WWC2: variants seen among roughly 807,000 people sequenced by gnomAD.
WWC2 encodes the protein WW and C2 domain containing 2.
WWC2 carries 101 observed loss-of-function variants against 138.5 expected under a neutral mutation model. The observed-to-expected ratio is 0.73, with a 90% CI of 0.62 to 0.86. The LOEUF (loss-of-function observed/expected upper bound fraction) is 0.86, where lower values mean the gene tolerates loss of function less well. Among genes scored for constraint, WWC2 ranks in the 40% least tolerant of loss-of-function variants. The probability of loss-of-function intolerance (pLI) is 0.00; values close to 1 mark genes in which losing one functional copy is unlikely to be tolerated. For synonymous variants in WWC2, 558 were observed against 538.4 expected, an observed-to-expected ratio of 1.04 and a Z score of -0.50; for missense variants, 1,420 against 1,419.4, an observed-to-expected ratio of 1.00 and a Z score of -0.01.
intron 9 of WWC2, among the ~76,000 whole-genome samples, chr4:183,256,534 G>A (rs541074056): frequency 6.6e-6 from 1 of 152,146 alleles, no homozygotes; most frequent in South Asian, 2.1e-4. Context: ...TTGCACTGAC[G>A]CCGGGAGTTT....
chr4:183,112,816 T>C (rs935954000), intron 1 of WWC2, among the ~76,000 whole-genome samples: 2 of 152,100 alleles, frequency 1.3e-5, no homozygotes, highest in Non-Finnish European at 2.9e-5. Flanking sequence ...GGCATTTAGC[T>C]GAGCTATGAG....
intron 1 of WWC2, among the ~76,000 whole-genome samples, chr4:183,179,585 G>T (rs554779267): frequency 2.8e-4 from 42 of 152,124 alleles, no homozygotes; most frequent in Admixed American, 5.2e-4. Context: ...GGGCCATCAA[G>T]GATGACCGCC....
chr4:183,170,056 A>G (rs1344113211), intron 1 of WWC2, among the ~76,000 whole-genome samples: 1 of 152,192 alleles, frequency 6.6e-6, no homozygotes, highest in African/African-American at 2.4e-5. Flanking sequence ...TACTTGAAGG[A>G]TAGTTGGTTT....
intron 4 of WWC2, among the ~76,000 whole-genome samples, chr4:183,224,975 A>G (rs1736031874): frequency 6.6e-6 from 1 of 152,192 alleles, no homozygotes; most frequent in African/African-American, 2.4e-5. Flanking sequence ...CTATCTTGTG[A>G]TAATGGAACC....
intron 1 of WWC2, among the ~76,000 whole-genome samples, chr4:183,173,162 A>C (rs1336847125): frequency 1.3e-5 from 2 of 151,854 alleles, no homozygotes; most frequent in African/African-American, 4.8e-5. Context: ...CTCCCACCTC[A>C]TCCTCCTGAG....
intron 4 of WWC2, among the ~76,000 whole-genome samples, chr4:183,237,815 A>G (rs1736474590): frequency 6.6e-6 from 1 of 152,118 alleles, no homozygotes; most frequent in South Asian, 2.1e-4. Context: ...GTTGTTCCTC[A>G]TAGTGCCTGG....
chr4:183,179,725 T>C (rs1277748064), intron 1 of WWC2, among the ~76,000 whole-genome samples: 1 of 152,058 alleles, frequency 6.6e-6, no homozygotes, highest in African/African-American at 2.4e-5. Flanking sequence ...ATGAGTTGTT[T>C]GATGTGGCCA....
chr4:183,102,431 C>T (rs1743209060), intron 1 of WWC2, among the ~76,000 whole-genome samples: 1 of 152,150 alleles, frequency 6.6e-6, no homozygotes, highest in Non-Finnish European at 1.5e-5. Flanking sequence ...ATTTCATTCT[C>T]CCGTTGGTCC....
At chr4:183,153,372 C>T (rs1006979578) in intron 1 of WWC2, among the ~76,000 whole-genome samples, 1 of 152,144 alleles carries the variant, frequency 6.6e-6, no homozygotes, top group African/African-American at 2.4e-5. Context: ...GCTTCACTGC[C>T]TCTCAGGTAA....
At chr4:183,275,274 TC>T (rs1360070874) in intron 16 of WWC2, among the ~76,000 whole-genome samples, 1 of 151,994 alleles carries the variant, frequency 6.6e-6, no homozygotes, top group African/African-American at 2.4e-5. Context: ...TTTTACTTCT[TC>T]CTTTCCAGTC....
At chr4:183,257,266 C>T (rs1737180939) in intron 9 of WWC2, among the ~76,000 whole-genome samples, 2 of 151,994 alleles carry the variant, frequency 1.3e-5, no homozygotes, top group Admixed American at 1.3e-4. Context: ...TTTTTTAAAG[C>T]AAATAGGTGG....
intron 14 of WWC2, 89 bp downstream of exon 14, chr4:183,266,040 T>C (rs1737494240): frequency 5.6e-6 from 7 of 1,259,254 alleles, no homozygotes; most frequent in Non-Finnish European, 6.7e-6. Flanking sequence ...TTCATCAAAA[T>C]GAAGATACGG....
chr4:183,282,567 G>A (rs773354474), intron 17 of WWC2, 141 bp from the exon 18 acceptor site: 250 of 828,080 alleles, frequency 3.0e-4, no homozygotes, highest in Non-Finnish European at 5.2e-5. Context: ...GAGACATTTA[G>A]TTAAAAACCC....
rs144225899 is a variant in WWC2 at position 183,170,517 on chromosome 4, T to C, written c.132-23082T>C. Among the ~76,000 whole-genome samples, 74 of 152,196 alleles carry C rather than the reference T, an allele frequency of 4.9e-4. 1 individual carries two copies. The East Asian group carries it at 0.01, about 21-fold the overall frequency. On this transcript the variant is annotated intron_variant, in intron 1 of 22. Coordinates refer to ENST00000403733, the MANE Select transcript of WWC2 (RefSeq NM_024949.6). ...AGGAGAGCAGGCTTGGGAACATGTA[T>C]TGCAAAGGGTTGGCACAGGGAGAGG...
At chr4:183,239,625 G>A (rs890339702) in intron 4 of WWC2, among the ~76,000 whole-genome samples, 4 of 152,194 alleles carry the variant, frequency 2.6e-5, no homozygotes, top group Admixed American at 6.5e-5. Flanking sequence ...CAGTGTACAC[G>A]GAGAATTTCA....
At chr4:183,312,550 G>A in intron 22 of WWC2, 82 bp downstream of exon 22, 2 of 1,577,398 alleles carry the variant, frequency 1.3e-6, no homozygotes, top group Non-Finnish European at 8.7e-7. Flanking sequence ...TGCAGTGAAA[G>A]TTAATATGAG....
chr4:183,284,193 C>G, intron 18 of WWC2, 33 bp from the exon 19 acceptor site: 1 of 1,605,280 alleles, frequency 6.2e-7, no homozygotes, highest in Non-Finnish European at 8.5e-7. Context: ...ACACATCTTT[C>G]AGCTCCTGAC....
intron 1 of WWC2, among the ~76,000 whole-genome samples, chr4:183,145,351 T>A (rs1362446542): frequency 1.3e-5 from 2 of 152,218 alleles, no homozygotes; most frequent in South Asian, 4.1e-4. Flanking sequence ...TTATTTTTTT[T>A]ATTGTTAAAA....
At chr4:183,303,622 C>T (rs569948395) in intron 21 of WWC2, among the ~76,000 whole-genome samples, 3 of 152,190 alleles carry the variant, frequency 2.0e-5, no homozygotes, top group East Asian at 3.9e-4. Context: ...TCTATTTCAC[C>T]GTTTGTTTAC....
Sources: allele counts gnomAD v4.1 joint callset (sites outside exome capture counted in the v4.1 genomes callset), GRCh38; gene constraint gnomAD v4.1.1; transcripts MANE v1.5; gene names NCBI Gene and HGNC (gene_info 2026-07-23, HGNC 2026-07-21).